The following GABPB2 variants were observed in gnomAD, a reference collection of about 807,000 sequenced individuals.
GABPB2 encodes GA-binding protein subunit beta-2.
Under a neutral mutation model 39.1 loss-of-function variants are expected in GABPB2, and 23 were observed. That is an observed-to-expected ratio of 0.59 (90% CI 0.42 to 0.83). GABPB2 has a LOEUF of 0.83. Ranked by LOEUF, GABPB2 falls within the 40% of genes least tolerant of loss-of-function variation. The pLI is 0.00. For synonymous variants in GABPB2, 184 were observed against 199.3 expected (o/e 0.92, Z 0.65); for missense variants, 467 against 541.1 (o/e 0.86, Z 1.36).
chr1:151,084,069 T>C (rs1053574872), intron 1 of GABPB2, among the ~76,000 whole-genome samples: 2 of 149,250 alleles, frequency 1.3e-5, no homozygotes, highest in East Asian at 3.9e-4. Flanking sequence ...TAAAAAAATA[T>C]ATATATTTTT....
chr1:151,097,837 T>C lies in GABPB2; in HGVS notation c.472-15T>C. The C allele has an allele frequency of 5.0e-6, 8 of 1,610,984 alleles. No individual in the cohort carries two copies. The highest frequency in any genetic ancestry group is 6.8e-6 in the Non-Finnish European group (8 of 1,178,418). ...AATAAGTGTTCTGATTGAAATATCC[T>C]GCCTTGTTTGATAGGAAGCAATGCA... On this transcript the variant is annotated splice_polypyrimidine_tract_variant and intron_variant, in intron 4 of 8. Coordinates refer to ENST00000368918, the MANE Select transcript of GABPB2 (RefSeq NM_144618.3).
At chr1:151,114,103 T>C (rs1680669591) in intron 7 of GABPB2, among the ~76,000 whole-genome samples, 1 of 151,810 alleles carries the variant, frequency 6.6e-6, no homozygotes, top group East Asian at 1.9e-4. Context: ...CCCAGCACTT[T>C]GGGAGGACTA....
intron 6 of GABPB2, among the ~76,000 whole-genome samples, chr1:151,104,810 C>CTTTCTTTCTT (rs1679825439): frequency 6.8e-6 from 1 of 146,296 alleles, no homozygotes; most frequent in Admixed American, 7.0e-5. Flanking sequence ...TCTTTTCTTT[C>CTTTCTTTCTT]TTTCCTTTCT....
intron 1 of GABPB2, among the ~76,000 whole-genome samples, chr1:151,078,006 C>T (rs1012026795): frequency 1.5e-4 from 23 of 151,544 alleles, no homozygotes; most frequent in Non-Finnish European, 2.1e-4. Flanking sequence ...CACGGTGGCT[C>T]ACGCCTGTAA....
chr1:151,079,373 C>T (rs1405466479), intron 1 of GABPB2, among the ~76,000 whole-genome samples: 2 of 151,538 alleles, frequency 1.3e-5, no homozygotes, highest in Non-Finnish European at 2.9e-5. Flanking sequence ...GAAACACTGC[C>T]TCTACTAAAA....
rs1676639795 is a variant in GABPB2 at position 151,070,823 on chromosome 1, T to TG, written c.-111dup. ...TAAAGGCCCCCAAAACATGCACACA[T>TG]GAAAAGGGCAAAAAGTAACCGTCCT... On this transcript the variant is annotated 5_prime_UTR_variant, in exon 1 of 9. It removes the in-frame stop codon of an upstream open reading frame in the 5' UTR. Coordinates refer to ENST00000368918, the MANE Select transcript of GABPB2 (RefSeq NM_144618.3). 6.6e-6 allele frequency: 1 copy of TG among 152,044 alleles called. No individual in the cohort carries two copies. Among genetic ancestry groups the TG allele is most frequent in the Admixed American group, 6.6e-5 (1 of 15,262 alleles). 9.4% of individuals were successfully genotyped at this position (152,044 alleles called of 1,614,324 possible).
intron 1 of GABPB2, among the ~76,000 whole-genome samples, chr1:151,072,284 C>T (rs1377614595): frequency 6.6e-6 from 1 of 152,142 alleles, no homozygotes; most frequent in Non-Finnish European, 1.5e-5. Context: ...CAGTGGCTCA[C>T]GCCTGTAATC....
At position 151,123,334 on chromosome 1, in the gene GABPB2, A is replaced by G. The variant is rs1558168538; in HGVS notation, c.*5078A>G. On this transcript the variant is annotated 3_prime_UTR_variant, in exon 9 of 9. Transcript: ENST00000368918. ...GTTGGGCATGATGGCATACGCCTGT[A>G]GTCCCAGCTACTCTGGAGGCTGAAA... The G allele has an allele frequency of 6.6e-6, 1 of 152,248 alleles. No individual in the cohort carries two copies. The highest frequency in any genetic ancestry group is 2.4e-5 in the African/African-American group (1 of 41,454). 9.4% of individuals were successfully genotyped at this position (152,248 alleles called of 1,614,324 possible).
At chr1:151,078,034 G>T (rs1364041548) in intron 1 of GABPB2, among the ~76,000 whole-genome samples, 1 of 151,174 alleles carries the variant, frequency 6.6e-6, no homozygotes, top group Non-Finnish European at 1.5e-5. Flanking sequence ...ACTTTGGGAG[G>T]CTGAGGCAGG....
At chr1:151,089,569 T>C (rs2101485468) in intron 2 of GABPB2, among the ~76,000 whole-genome samples, 1 of 152,316 alleles carries the variant, frequency 6.6e-6, no homozygotes. Context: ...AAACTTTTCT[T>C]CCAGTCAGTC....
At chr1:151,092,424 T>TA (rs891573820) in intron 3 of GABPB2, among the ~76,000 whole-genome samples, 1,632 of 148,936 alleles carry the variant, frequency 0.011, 43 homozygotes, top group African/African-American at 0.038. Flanking sequence ...AAATCATATT[T>TA]AAAAAAAAAA....
At position 151,090,996 on chromosome 1, in the gene GABPB2, TCAAAA is replaced by T. The variant is rs763965098; in HGVS notation, c.276+444_276+448del. On this transcript the variant is annotated intron_variant, in intron 3 of 8. Coordinates refer to ENST00000368918, the MANE Select transcript of GABPB2 (RefSeq NM_144618.3). ...CTGGACAACAGAGCAAGAATCCGTC[TCAAAA>T]CAAAACAAAACAAAACAAAAAAACA... Among the ~76,000 whole-genome samples the T allele has an allele frequency of 5.6e-4, 83 of 148,642 alleles. 3 individuals carry two copies. In the South Asian group the frequency reaches 0.014, roughly 25 times the overall value.
At chr1:151,113,798 A>G (rs12733423) in intron 7 of GABPB2, among the ~76,000 whole-genome samples, 3 of 152,042 alleles carry the variant, frequency 2.0e-5, no homozygotes, top group African/African-American at 7.2e-5. Context: ...GATTACAGGC[A>G]TGAGCCACCG....
rs1461325673 is a variant in GABPB2, at chr1:151,075,945, TA to T, written c.-1+5012del. 2.4e-4 allele frequency among the ~76,000 whole-genome samples: 36 copies of T among 152,150 alleles called. 1 individual carries two copies. Among genetic ancestry groups the T allele is most frequent in the African/African-American group, 7.9e-4 (33 of 41,522 alleles). On this transcript the variant is annotated intron_variant, in intron 1 of 8. Transcript: ENST00000368918. Reference sequence around the variant, plus strand: ...TCTTCTGTAACTTTTTCAGGGTGAATAGGGGCGATGATATTCCTGCCTGACT... The same window carrying T: ...TCTTCTGTAACTTTTTCAGGGTGAATGGGGCGATGATATTCCTGCCTGACT...
Position 151,124,820 on chromosome 1 carries a change from C to G in GABPB2, c.*6564C>G, listed in dbSNP as rs1558169180. 6.6e-6 allele frequency: 1 copy of G among 152,004 alleles called. No individual in the cohort carries two copies. The highest frequency in any genetic ancestry group is 1.5e-5 in the Non-Finnish European group (1 of 68,010). The allele number at this position is 152,004 out of a possible 1,614,324, so 9.4% of individuals were successfully genotyped here. On this transcript the variant is annotated 3_prime_UTR_variant, in exon 9 of 9. Transcript: ENST00000368918. ...TCCTATGCCAATTTTTTTTAAGTCT[C>G]TGATGCTGCCCTTTTTAAATTTTTG...
intron 1 of GABPB2, among the ~76,000 whole-genome samples, chr1:151,075,947 G>A (rs1207630700): frequency 1.3e-5 from 2 of 152,036 alleles, no homozygotes. Flanking sequence ...AGGGTGAATA[G>A]GGGCGATGAT....
chr1:151,084,584 G>C (rs888893263), intron 1 of GABPB2, among the ~76,000 whole-genome samples: 8 of 135,748 alleles, frequency 5.9e-5, no homozygotes, highest in African/African-American at 2.0e-4. Context: ...GCCCAGGCTG[G>C]AGTGCAGTGG....
chr1:151,100,350 G>T (rs1299501524), intron 5 of GABPB2, among the ~76,000 whole-genome samples: 2 of 151,430 alleles, frequency 1.3e-5, no homozygotes, highest in Non-Finnish European at 2.9e-5. Flanking sequence ...TCACCATGTT[G>T]GCCAGGCTGG....
chr1:151,116,075 C>A (rs587618853), intron 7 of GABPB2, among the ~76,000 whole-genome samples: 2 of 151,346 alleles, frequency 1.3e-5, no homozygotes, highest in South Asian at 4.2e-4. Flanking sequence ...TGCACTCCAG[C>A]CTAGGTTACA....
Sources: allele counts gnomAD v4.1 joint callset (sites outside exome capture counted in the v4.1 genomes callset), GRCh38; gene constraint gnomAD v4.1.1; transcripts MANE v1.5; gene names NCBI Gene and HGNC (gene_info 2026-07-23, HGNC 2026-07-21).